IL1RAPL1: variants seen among roughly 807,000 people sequenced by gnomAD.
The protein encoded by IL1RAPL1 is interleukin-1 receptor accessory protein-like 1.
In IL1RAPL1, 3 loss-of-function variants were observed where a neutral mutation model predicts 48.4. The observed-to-expected ratio is 0.06, with a 90% CI of 0.03 to 0.16. The LOEUF (loss-of-function observed/expected upper bound fraction) is 0.16. Among genes scored for constraint, IL1RAPL1 ranks in the 10% least tolerant of loss-of-function variants. IL1RAPL1 has a pLI of 1.00. For synonymous variants in IL1RAPL1, 185 were observed against 187.7 expected, an observed-to-expected ratio of 0.99 and a Z score of 0.12; for missense variants, 349 against 530.6, an observed-to-expected ratio of 0.66 and a Z score of 3.36.
At chrX:29,758,204 T>C (rs1225770411) in intron 6 of IL1RAPL1, among the ~76,000 whole-genome samples, 1 of 112,181 alleles carries the variant, frequency 8.9e-6, no homozygotes, top group African/African-American at 3.2e-5. Context: ...CTTGTGTTCA[T>C]AAGAAACTTT....
intron 1 of IL1RAPL1, among the ~76,000 whole-genome samples, chrX:28,778,202 A>G (rs1427754679): frequency 8.9e-6 from 1 of 112,325 alleles, no homozygotes; most frequent in Non-Finnish European, 1.9e-5. Context: ...GCCACGTGTA[A>G]CAAACATCAT....
intron 8 of IL1RAPL1, among the ~76,000 whole-genome samples, chrX:29,920,707 A>G (rs1932837880): frequency 9.5e-6 from 1 of 104,999 alleles, no homozygotes; most frequent in South Asian, 4.4e-4. Flanking sequence ...AGGCAGGAGA[A>G]TCACTTGAGC....
At position 29,503,094 on chromosome X, in the gene IL1RAPL1, A is replaced by T. The variant is rs1179783118; in HGVS notation, c.703+103786A>T. 4.5e-5 allele frequency among the ~76,000 whole-genome samples: 5 copies of T among 111,952 alleles called. No homozygotes were observed. In the East Asian group the frequency reaches 1.4e-3, roughly 31 times the overall value. ...AATTTCTTGGCATATGGTTGTTCAT[A>T]ATAGTCTCTAATGATTCTTTGTATT... On this transcript the variant is annotated intron_variant, in intron 5 of 10. Coordinates refer to ENST00000378993, the MANE Select transcript of IL1RAPL1 (RefSeq NM_014271.4).
chrX:28,665,485 C>CT (rs1174482728), intron 1 of IL1RAPL1, among the ~76,000 whole-genome samples: 1 of 109,367 alleles, frequency 9.1e-6, no homozygotes, highest in Non-Finnish European at 1.9e-5. Context: ...ATAAGTGGTA[C>CT]TTTTTTTTTG....
intron 5 of IL1RAPL1, among the ~76,000 whole-genome samples, chrX:29,410,117 C>T (rs113383161): frequency 0.082 from 9,049 of 110,245 alleles, 505 homozygotes; most frequent in African/African-American, 0.2. Flanking sequence ...CCACTGTGCC[C>T]GGCCTGTTCT....
chrX:29,195,021 T>C (rs1170858196), intron 2 of IL1RAPL1, among the ~76,000 whole-genome samples: 1 of 111,759 alleles, frequency 8.9e-6, no homozygotes, highest in East Asian at 2.8e-4. Flanking sequence ...GAATTTCAGT[T>C]CTGGTCCTCT....
rs758986762 is a variant in IL1RAPL1, at chrX:29,170,570, G to A, written c.83-112368G>A. Among the ~76,000 whole-genome samples, 11 of 111,462 alleles carry A rather than the reference G, an allele frequency of 9.9e-5. No individual in the cohort carries two copies. The South Asian group carries it at 1.1e-3, about 11-fold the overall frequency. ...GTTTTGTTTTATGAATAGGTTGGAT[G>A]TCTCCTTTACTAGAAAAATGGGAAA... On this transcript the variant is annotated intron_variant, in intron 2 of 10. Transcript: ENST00000378993.
intron 5 of IL1RAPL1, among the ~76,000 whole-genome samples, chrX:29,445,503 C>A (rs1056353023): frequency 3.6e-5 from 4 of 112,073 alleles, no homozygotes; most frequent in African/African-American, 1.3e-4. Flanking sequence ...TCCCTTTTCA[C>A]CAGCAGGGTC....
intron 1 of IL1RAPL1, among the ~76,000 whole-genome samples, chrX:28,696,423 T>C (rs1454188): frequency 2.7e-5 from 3 of 111,733 alleles, no homozygotes; most frequent in African/African-American, 9.7e-5. Context: ...AGTTGTTAAT[T>C]GGTATAAAAA....
intron 2 of IL1RAPL1, among the ~76,000 whole-genome samples, chrX:28,902,091 T>C (rs1202514374): frequency 8.9e-6 from 1 of 111,785 alleles, no homozygotes; most frequent in East Asian, 2.8e-4. Context: ...TATATTCATG[T>C]CAGCCACAAA....
At chrX:28,616,575 A>G (rs1424294631) in intron 1 of IL1RAPL1, among the ~76,000 whole-genome samples, 1 of 110,706 alleles carries the variant, frequency 9.0e-6, no homozygotes, top group Non-Finnish European at 1.9e-5. Context: ...CGGGGACTAC[A>G]GGCGTACGCC....
At chrX:29,454,055 T>C (rs1308157233) in intron 5 of IL1RAPL1, among the ~76,000 whole-genome samples, 3 of 112,304 alleles carry the variant, frequency 2.7e-5, no homozygotes, top group Non-Finnish European at 5.6e-5. Context: ...CTTTAAGATA[T>C]CTTCAATGGA....
At chrX:29,609,160 G>A (rs1392179844) in intron 5 of IL1RAPL1, among the ~76,000 whole-genome samples, 1 of 111,201 alleles carries the variant, frequency 9.0e-6, no homozygotes, top group Non-Finnish European at 1.9e-5. Flanking sequence ...GTAACCTCCC[G>A]TCAAGTCCTC....
chrX:29,079,056 T>A (rs1343631726), intron 2 of IL1RAPL1, among the ~76,000 whole-genome samples: 1 of 112,528 alleles, frequency 8.9e-6, no homozygotes, highest in Non-Finnish European at 1.9e-5. Context: ...AGATCATTAT[T>A]ACCCAAGTTC....
intron 1 of IL1RAPL1, among the ~76,000 whole-genome samples, chrX:28,614,335 T>C (rs1055290363): frequency 1.8e-5 from 2 of 111,631 alleles, no homozygotes; most frequent in African/African-American, 6.5e-5. Flanking sequence ...ATAGTTTTTT[T>C]TTTCCTGGAA....
At chrX:28,595,949 G>C (rs1167362771) in intron 1 of IL1RAPL1, among the ~76,000 whole-genome samples, 1 of 110,904 alleles carries the variant, frequency 9.0e-6, no homozygotes, top group South Asian at 3.9e-4. Flanking sequence ...TTTTCTTGTC[G>C]AGGTTCTCCT....
rs549408367 is a variant in IL1RAPL1 at position 29,668,581 on chromosome X, G to A, written c.778+77G>A. 40 of 711,886 alleles carry A rather than the reference G, an allele frequency of 5.6e-5. No individual in the cohort carries two copies. In the East Asian group the frequency reaches 9.5e-4, roughly 17 times the overall value. 58.7% of individuals were successfully genotyped at this position (711,886 alleles called of 1,213,427 possible). A position where few individuals can be genotyped will look rare whatever the true frequency, so the allele number is the denominator to read the frequency against. On this transcript the variant is annotated intron_variant, in intron 6 of 10. Coordinates refer to ENST00000378993, the MANE Select transcript of IL1RAPL1 (RefSeq NM_014271.4). Reference sequence around the variant, plus strand: ...AGTTAATAAGCCTAGATTGTAACCCGATGTAATACTCGCAGCTAAATCCAT... The same window carrying A: ...AGTTAATAAGCCTAGATTGTAACCCAATGTAATACTCGCAGCTAAATCCAT...
intron 3 of IL1RAPL1, among the ~76,000 whole-genome samples, chrX:29,352,589 T>C (rs1170454378): frequency 9.1e-6 from 1 of 110,037 alleles, no homozygotes; most frequent in East Asian, 2.8e-4. Flanking sequence ...TTCTCTCCAA[T>C]TTGAGATTTA....
At chrX:29,896,091 C>T (rs1296326887) in intron 6 of IL1RAPL1, among the ~76,000 whole-genome samples, 3 of 111,573 alleles carry the variant, frequency 2.7e-5, no homozygotes, top group Non-Finnish European at 3.8e-5. Context: ...AAAATAAAGA[C>T]ATAACCATTC....
Sources: allele counts gnomAD v4.1 joint callset (sites outside exome capture counted in the v4.1 genomes callset), GRCh38; gene constraint gnomAD v4.1.1; transcripts MANE v1.5; gene names NCBI Gene and HGNC (gene_info 2026-07-23, HGNC 2026-07-21).